The following USP48 variants were observed in gnomAD, a reference collection of about 807,000 sequenced individuals.
USP48 encodes ubiquitin carboxyl-terminal hydrolase 48.
In USP48, 43 loss-of-function variants were observed where a neutral mutation model predicts 150.7. The observed-to-expected ratio is 0.29, with a 90% CI of 0.22 to 0.37. The LOEUF (loss-of-function observed/expected upper bound fraction) is 0.37, where lower values mean the gene tolerates loss of function less well. USP48 is among the 10% of genes least tolerant of loss of function. USP48 has a pLI of 1.00. For missense variants in USP48, 813 were observed against 1,249.6 expected, an observed-to-expected ratio of 0.65 and a Z score of 5.27; for synonymous variants, 396 against 425.9, an observed-to-expected ratio of 0.93 and a Z score of 0.86.
intron 15 of USP48, among the ~76,000 whole-genome samples, chr1:21,713,969 C>A (rs2097697318): frequency 6.6e-6 from 1 of 152,256 alleles, no homozygotes. Context: ...GAATGCCACT[C>A]ACTTCGCAAG....
intron 10 of USP48, among the ~76,000 whole-genome samples, chr1:21,728,946 T>C (rs1470577686): frequency 2.6e-5 from 4 of 152,136 alleles, no homozygotes; most frequent in Non-Finnish European, 4.4e-5. Flanking sequence ...CATGACATCA[T>C]CAGCCTCCCA....
chr1:21,734,512 C>T (rs559727058), intron 9 of USP48, among the ~76,000 whole-genome samples: 2 of 152,258 alleles, frequency 1.3e-5, no homozygotes, highest in African/African-American at 4.8e-5. Flanking sequence ...GATGCATATG[C>T]CTCGAAAGCA....
rs57694769 is a variant in USP48 at position 21,774,180 on chromosome 1, AAATAATAAT to A, written c.134+8635_134+8643del. Among the ~76,000 whole-genome samples, 1,046 of 141,174 alleles carry A rather than the reference AAATAATAAT, an allele frequency of 7.4e-3. 6 individuals carry two copies. Among genetic ancestry groups the A allele is most frequent in the African/African-American group, 0.011 (417 of 37,704 alleles). The allele number at this position is 141,174 out of a possible 152,430, so 92.6% of individuals were successfully genotyped here. ...GGTGACAGAGCGAGACTCCGTCTCAAAATAATAATAATAATAATAATAATAATAATAATA... is the reference window on the plus strand; with the variant it reads ...GGTGACAGAGCGAGACTCCGTCTCAAAATAATAATAATAATAATAATAATA... On this transcript the variant is annotated intron_variant, in intron 1 of 26. Coordinates refer to ENST00000308271, the MANE Select transcript of USP48 (RefSeq NM_032236.8).
intron 1 of USP48, 24 bp from the exon 2 acceptor site, chr1:21,757,807 A>C: frequency 1.3e-6 from 2 of 1,570,702 alleles, no homozygotes; most frequent in Non-Finnish European, 1.7e-6. Flanking sequence ...AAAAACCTTT[A>C]ATTTTTAAAA....
At chr1:21,684,544 TAG>T (rs2097575596) in intron 25 of USP48, among the ~76,000 whole-genome samples, 1 of 152,240 alleles carries the variant, frequency 6.6e-6, no homozygotes, top group Non-Finnish European at 1.5e-5. Flanking sequence ...AGAAGCTTTT[TAG>T]TTTAATATAG....
At chr1:21,704,880 A>C (rs1346537895) in intron 19 of USP48, among the ~76,000 whole-genome samples, 1 of 152,152 alleles carries the variant, frequency 6.6e-6, no homozygotes, top group Non-Finnish European at 1.5e-5. Context: ...TTTTAAACTG[A>C]ATGGTAACAC....
intron 23 of USP48, among the ~76,000 whole-genome samples, chr1:21,691,021 A>G (rs919550940): frequency 6.6e-6 from 1 of 152,126 alleles, no homozygotes; most frequent in Non-Finnish European, 1.5e-5. Flanking sequence ...CCAAGTGTTA[A>G]AAATTAAATA....
At chr1:21,781,998 C>A (rs1395515318) in intron 1 of USP48, 1 of 152,254 alleles carries the variant, frequency 6.6e-6, no homozygotes, top group Non-Finnish European at 1.5e-5. Flanking sequence ...GACTTCCATT[C>A]CTTCCGGATC....
intron 12 of USP48, among the ~76,000 whole-genome samples, chr1:21,723,138 G>A (rs1246133614): frequency 2.0e-5 from 3 of 152,136 alleles, no homozygotes; most frequent in African/African-American, 7.2e-5. Flanking sequence ...GTACTATGTG[G>A]TCATATATAG....
chr1:21,704,149 G>T, intron 20 of USP48, 113 bp downstream of exon 20: 1 of 1,211,720 alleles, frequency 8.3e-7, no homozygotes, highest in Non-Finnish European at 1.1e-6. Flanking sequence ...TTCCACCTAG[G>T]GAGTTGGGAC....
At chr1:21,717,798 A>T (rs2097708870) in intron 14 of USP48, among the ~76,000 whole-genome samples, 1 of 152,124 alleles carries the variant, frequency 6.6e-6, no homozygotes, top group Non-Finnish European at 1.5e-5. Flanking sequence ...TGCTAAAAAT[A>T]CAAAAATTAG....
intron 23 of USP48, among the ~76,000 whole-genome samples, chr1:21,690,522 CT>C (rs138412134): frequency 6.7e-5 from 10 of 148,426 alleles, no homozygotes; most frequent in Non-Finnish European, 6.0e-5. Flanking sequence ...TTTTCTTTTT[CT>C]TTTTTTTTTG....
Position 21,756,586 on chromosome 1 carries a change from A to G in USP48, c.372T>C (p.Cys124=), listed in dbSNP as rs775143443. ...TGCCGTCTCCCAGCATGTAGTCACT[A>G]CAAGTGCTTGGACATAAGTAGAGTG... ...RQALYLCPST[C]SDYMLGDGIQ... is the part of the protein sequence containing the mutation. Residue 124 remains cysteine (C), a synonymous_variant, in exon 3 of 27, where the codon TGT becomes TGC. Coordinates refer to ENST00000308271, the MANE Select transcript of USP48 (RefSeq NM_032236.8). 5.6e-6 allele frequency: 9 copies of G among 1,604,602 alleles called. No individual in the cohort carries two copies. In the East Asian group the frequency reaches 2.0e-4, roughly 36 times the overall value.
chr1:21,772,484 G>A (rs548236474), intron 1 of USP48, among the ~76,000 whole-genome samples: 33 of 152,076 alleles, frequency 2.2e-4, no homozygotes, highest in African/African-American at 7.5e-4. Flanking sequence ...TTAGCTGGGC[G>A]TGGTGGCGGG....
At chr1:21,687,268 C>G in intron 24 of USP48, 29 bp from the exon 25 acceptor site, 1 of 1,606,948 alleles carries the variant, frequency 6.2e-7, no homozygotes, top group Non-Finnish European at 8.5e-7. Flanking sequence ...CAATTCAAAA[C>G]CACAAGGGAG....
intron 15 of USP48, 134 bp downstream of exon 15, chr1:21,715,255 A>C (rs921294108): frequency 1.7e-6 from 1 of 577,930 alleles, no homozygotes; most frequent in Non-Finnish European, 3.1e-6. Context: ...ATTTCCTCTA[A>C]ATATGGGGAA....
At chr1:21,725,439 C>T (rs924192390) in intron 11 of USP48, among the ~76,000 whole-genome samples, 10 of 152,242 alleles carry the variant, frequency 6.6e-5, no homozygotes, top group South Asian at 2.1e-4. Flanking sequence ...TATACATTTA[C>T]GTAAACTTAA....
At position 21,783,079 on chromosome 1, in the gene USP48, C is replaced by T. The variant is rs1207936158; in HGVS notation, c.-122G>A. On this transcript the variant is annotated 5_prime_UTR_variant, in exon 1 of 27. Transcript: ENST00000308271. ...GAGGACCTGGCGCTCCTTCAGGCAG[C>T]TGGCCAGTCAATCACCTGTGCGCGC... 2 of 1,350,988 alleles carry T rather than the reference C, an allele frequency of 1.5e-6. No homozygotes were observed. Among genetic ancestry groups the T allele is most frequent in the Non-Finnish European group, 1.9e-6 (2 of 1,047,204 alleles). The allele number at this position is 1,350,988 out of a possible 1,614,324, so 83.7% of individuals were successfully genotyped here.
At chr1:21,715,240 C>T in intron 15 of USP48, 149 bp downstream of exon 15, 1 of 541,374 alleles carries the variant, frequency 1.8e-6, no homozygotes, top group Non-Finnish European at 3.3e-6. Context: ...GTTTCTTTTC[C>T]AATGATTTCC....
Sources: allele counts gnomAD v4.1 joint callset (sites outside exome capture counted in the v4.1 genomes callset), GRCh38; gene constraint gnomAD v4.1.1; transcripts MANE v1.5; gene names NCBI Gene and HGNC (gene_info 2026-07-23, HGNC 2026-07-21).